Variants in KIAA0513 observed in about 807,000 individuals in gnomAD.
KIAA0513 encodes the protein KIAA0513.
In KIAA0513, 39 loss-of-function variants were observed where a neutral mutation model predicts 56.5. That is an observed-to-expected ratio of 0.69 (90% CI 0.53 to 0.90). The LOEUF is 0.90. Ranked by LOEUF, KIAA0513 falls within the 40% of genes least tolerant of loss-of-function variation. The pLI is 0.00. For missense variants in KIAA0513, 591 were observed against 535.2 expected (o/e 1.10, Z -1.03); for synonymous variants, 268 against 215.6 (o/e 1.24, Z -2.13).
chr16:85,043,249 G>A (rs1011788077), intron 1 of KIAA0513, among the ~76,000 whole-genome samples: 1 of 151,946 alleles, frequency 6.6e-6, no homozygotes, highest in Admixed American at 6.6e-5. Context: ...CTGAAAGCAC[G>A]AACCTGGAAA....
intron 1 of KIAA0513, among the ~76,000 whole-genome samples, chr16:85,065,289 G>A (rs569729275): frequency 5.3e-4 from 80 of 152,332 alleles, no homozygotes; most frequent in African/African-American, 1.9e-3. Flanking sequence ...CGCCCTGGCC[G>A]GGGACGCAGC....
intron 10 of KIAA0513, 31 bp from the exon 11 acceptor site, chr16:85,086,613 G>A: frequency 6.2e-7 from 1 of 1,603,704 alleles, no homozygotes; most frequent in Non-Finnish European, 8.5e-7. Flanking sequence ...CACCATCTGA[G>A]CCCCGCTTCT....
rs142028311 is a variant in KIAA0513 at position 85,039,553 on chromosome 16, C to T, written c.-173+11695C>T. On this transcript the variant is annotated intron_variant, in intron 1 of 12. Transcript: ENST00000683363. ...TCCTGGGTTCAAGCGATACTCCCAC[C>T]TCAGCCTCCTGAGTAACTGGGACTA... is the stretch of plus-strand genomic sequence containing the variant. Among the ~76,000 whole-genome samples, 371 of 152,322 alleles carry T rather than the reference C, an allele frequency of 2.4e-3. 2 individuals carry two copies. The highest frequency in any genetic ancestry group is 7.7e-3 in the African/African-American group (322 of 41,566).
chr16:85,078,668 T>A (rs946484658), intron 7 of KIAA0513, among the ~76,000 whole-genome samples: 2 of 152,238 alleles, frequency 1.3e-5, no homozygotes, highest in African/African-American at 4.8e-5. Context: ...ACTAAATTCC[T>A]TATCCCAGGA....
chr16:85,038,071 G>A (rs2073057803), intron 1 of KIAA0513, among the ~76,000 whole-genome samples: 1 of 152,170 alleles, frequency 6.6e-6, no homozygotes, highest in African/African-American at 2.4e-5. Context: ...CTGTAACTTG[G>A]CCTGCAAGTC....
chr16:85,034,699 G>A (rs887161237), intron 1 of KIAA0513, among the ~76,000 whole-genome samples: 2 of 152,140 alleles, frequency 1.3e-5, no homozygotes, highest in Non-Finnish European at 2.9e-5. Context: ...CTCTGTCCAC[G>A]CCCAGCTGTG....
chr16:85,033,414 C>G (rs1202884331), intron 1 of KIAA0513, among the ~76,000 whole-genome samples: 2 of 152,228 alleles, frequency 1.3e-5, no homozygotes, highest in East Asian at 1.9e-4. Context: ...TTTTGCTGCA[C>G]TGGTCCTTGT....
chr16:85,060,621 T>C (rs2073390566), intron 1 of KIAA0513, among the ~76,000 whole-genome samples: 1 of 152,022 alleles, frequency 6.6e-6, no homozygotes. Flanking sequence ...GAAGGATTGC[T>C]GGGGCCCAGG....
At chr16:85,042,982 T>G (rs376978515) in intron 1 of KIAA0513, among the ~76,000 whole-genome samples, 3 of 152,232 alleles carry the variant, frequency 2.0e-5, no homozygotes, top group African/African-American at 7.2e-5. Context: ...GTATATAACT[T>G]CTCTAACGGG....
chr16:85,044,515 T>A (rs113587442), intron 1 of KIAA0513, among the ~76,000 whole-genome samples: 3,023 of 151,898 alleles, frequency 0.02, 46 homozygotes, highest in East Asian at 0.056. Flanking sequence ...TTTTTATTTT[T>A]TTTTTTTTTT....
intron 3 of KIAA0513, among the ~76,000 whole-genome samples, chr16:85,072,328 G>A (rs2144040414): frequency 6.6e-6 from 1 of 152,316 alleles, no homozygotes; most frequent in South Asian, 2.1e-4. Context: ...AGGCAAGCAT[G>A]TGAATTATGT....
chr16:85,041,692 C>A (rs144413695), intron 1 of KIAA0513, among the ~76,000 whole-genome samples: 1 of 152,148 alleles, frequency 6.6e-6, no homozygotes. Flanking sequence ...CTTCAGCCTC[C>A]GGTGATGAAA....
chr16:85,043,363 G>C (rs2073128406), intron 1 of KIAA0513, among the ~76,000 whole-genome samples: 1 of 151,556 alleles, frequency 6.6e-6, no homozygotes, highest in Non-Finnish European at 1.5e-5. Flanking sequence ...CTCAAACAGG[G>C]CATGAGATGG....
chr16:85,056,063 G>C (rs930517345), intron 1 of KIAA0513, among the ~76,000 whole-genome samples: 2 of 152,232 alleles, frequency 1.3e-5, no homozygotes, highest in Non-Finnish European at 2.9e-5. Context: ...CTGTGGTTCA[G>C]CCCAGACCCC....
In KIAA0513 at chr16:85,073,015, C is replaced by T. The variant is rs370779108; in HGVS notation, c.503+17C>T. 1.2e-6 allele frequency: 2 copies of T among 1,608,120 alleles called. No homozygotes were observed. Among genetic ancestry groups the T allele is most frequent in the East Asian group, 2.2e-5 (1 of 44,852 alleles). Reference sequence around the variant, plus strand: ...GCTGTTCGAGTAAGTAATGCCGTGGCACAAAGCCTTTGTCCTGGCAAGCTC... The same window carrying T: ...GCTGTTCGAGTAAGTAATGCCGTGGTACAAAGCCTTTGTCCTGGCAAGCTC... On this transcript the variant is annotated intron_variant, in intron 4 of 12. Coordinates refer to ENST00000683363, the MANE Select transcript of KIAA0513 (RefSeq NM_001388359.1).
intron 1 of KIAA0513, among the ~76,000 whole-genome samples, chr16:85,054,548 G>T (rs959878918): frequency 3.1e-4 from 47 of 150,744 alleles, no homozygotes; most frequent in African/African-American, 1.1e-3. Flanking sequence ...CTCTGTCTCA[G>T]CCTCCCAAGT....
intron 10 of KIAA0513, among the ~76,000 whole-genome samples, chr16:85,083,650 C>A (rs1199000931): frequency 6.6e-6 from 1 of 152,178 alleles, no homozygotes; most frequent in African/African-American, 2.4e-5. Context: ...GCTGAGGGGA[C>A]AGCTGGCCTC....
intron 1 of KIAA0513, among the ~76,000 whole-genome samples, chr16:85,044,208 A>G (rs1262192981): frequency 6.6e-6 from 1 of 152,220 alleles, no homozygotes; most frequent in Non-Finnish European, 1.5e-5. Context: ...TGTCCCATCA[A>G]CAGTGAAGAC....
intron 1 of KIAA0513, among the ~76,000 whole-genome samples, chr16:85,043,278 G>C (rs1001290822): frequency 6.6e-6 from 1 of 151,986 alleles, no homozygotes; most frequent in Non-Finnish European, 1.5e-5. Flanking sequence ...TCTTACCCAG[G>C]TACACACCAC....
Sources: allele counts gnomAD v4.1 joint callset (sites outside exome capture counted in the v4.1 genomes callset), GRCh38; gene constraint gnomAD v4.1.1; transcripts MANE v1.5; gene names NCBI Gene and HGNC (gene_info 2026-07-23, HGNC 2026-07-21).